The following PRR12 variants were observed in gnomAD, a reference collection of about 807,000 sequenced individuals.
PRR12 encodes the protein proline rich 12.
In PRR12, 12 loss-of-function variants were observed where a neutral mutation model predicts 138.0. The ratio of observed to expected loss-of-function variants is 0.09; its 90% CI spans 0.06 to 0.14. The LOEUF (loss-of-function observed/expected upper bound fraction) is 0.14. Among genes scored for constraint, PRR12 ranks in the 10% least tolerant of loss-of-function variants. The probability of loss-of-function intolerance (pLI) is 1.00; values close to 1 mark genes in which losing one functional copy is unlikely to be tolerated. For missense variants in PRR12, 2,692 were observed against 2,861.3 expected (o/e 0.94, Z 1.35); for synonymous variants, 1,567 against 1,291.7 (o/e 1.21, Z -4.57).
chr19:49,607,262 G>A (rs879339182), intron 6 of PRR12, among the ~76,000 whole-genome samples: 15 of 152,270 alleles, frequency 9.9e-5, no homozygotes, highest in Non-Finnish European at 2.1e-4. Flanking sequence ...GTTGAGGTGG[G>A]AGGATCACTT....
Position 49,594,879 on chromosome 19 carries a change from C to T in PRR12, c.544C>T (p.Leu182Phe), listed in dbSNP as rs764760496. The T allele has an allele frequency of 6.2e-6, 10 of 1,611,140 alleles. 1 individual carries two copies. In the South Asian group the frequency reaches 7.7e-5, roughly 12 times the overall value. ...DPPFSPPANG[L>F]LSPHDVLHLK... is the part of the protein sequence containing the mutation. Reference sequence around the variant, plus strand: ...CCCATTCAGCCCTCCAGCTAACGGGCTCCTGTCCCCTCATGACGTGCTGCA... The same window carrying T: ...CCCATTCAGCCCTCCAGCTAACGGGTTCCTGTCCCCTCATGACGTGCTGCA... Residue 182 changes from leucine (L) to phenylalanine (F), a missense_variant, in exon 4 of 14, where the codon CTC becomes TTC. Leu to Phe is a conservative substitution (Grantham distance 22). Transcript: ENST00000418929. This position sits in a 1 kb window ranked among gnomAD's most constrained non-coding sequence, Gnocchi z 5.6.
Position 49,625,302 on chromosome 19 carries a change from A to G in PRR12, c.5964+102A>G. ...CCCAGCCCCATCCTGCCTCAGACCC[A>G]AGAGTTCAGGTCCTTCTGTCTTGGA... On this transcript the variant is annotated intron_variant, in intron 13 of 13. Transcript: ENST00000418929. This position sits in a 1 kb window ranked among gnomAD's most constrained non-coding sequence, Gnocchi z 5.5. The G allele has an allele frequency of 1.4e-6, 2 of 1,472,516 alleles. No individual in the cohort carries two copies. Among genetic ancestry groups the G allele is most frequent in the Non-Finnish European group, 1.9e-6 (2 of 1,070,266 alleles). 91.2% of individuals were successfully genotyped at this position (1,472,516 alleles called of 1,614,324 possible).
intron 8 of PRR12, 131 bp downstream of exon 8, chr19:49,615,140 G>GGGGACAGAGACCCGGAGAGAAATA (rs2080884896): frequency 3.7e-6 from 5 of 1,342,214 alleles, no homozygotes; most frequent in Non-Finnish European, 5.1e-6. Context: ...AGAGAGAGAG[G>GGGGACAGAGACCCGGAGAGAAATA]GGGACAGAGA....
At position 49,595,214 on chromosome 19, in the gene PRR12, G is replaced by A; in HGVS notation, c.879G>A (p.Gln293=). The change falls in exon 4 of 14, where the codon CAG becomes CAA. Residue 293 remains glutamine (Q), a synonymous_variant. Transcript: ENST00000418929. ...PRQDTVIKHY[Q]RPASAQPPPP... Reference sequence around the variant, plus strand: ...AGGACACGGTCATCAAGCACTACCAGCGGCCAGCCAGTGCCCAGCCCCCAC... The same window carrying A: ...AGGACACGGTCATCAAGCACTACCAACGGCCAGCCAGTGCCCAGCCCCCAC... The A allele has an allele frequency of 6.3e-7, 1 of 1,577,062 alleles. No individual in the cohort carries two copies. The highest frequency in any genetic ancestry group is 8.6e-7 in the Non-Finnish European group (1 of 1,164,354).
In PRR12 at chr19:49,616,323, CA is replaced by C; in HGVS notation, c.5497+105del. The C allele has an allele frequency of 9.8e-7, 1 of 1,019,032 alleles. No homozygotes were observed. Among genetic ancestry groups the C allele is most frequent in the African/African-American group, 1.6e-5 (1 of 61,168 alleles). The allele number at this position is 1,019,032 out of a possible 1,614,324, so 63.1% of individuals were successfully genotyped here. A position where few individuals can be genotyped will look rare whatever the true frequency, so the allele number is the denominator to read the frequency against. On this transcript the variant is annotated intron_variant, in intron 9 of 13. Coordinates refer to ENST00000418929, the MANE Select transcript of PRR12 (RefSeq NM_020719.3). This position sits in a 1 kb window ranked among gnomAD's most constrained non-coding sequence, Gnocchi z 4.2. ...GTAGCCTTGGCAGGACAGTAAGAAC[CA>C]GTATGTTACAGATAATGGCAGTAGC... is the stretch of plus-strand genomic sequence containing the variant.
chr19:49,613,497 G>A (rs375106327), intron 6 of PRR12, among the ~76,000 whole-genome samples: 15 of 152,282 alleles, frequency 9.9e-5, no homozygotes, highest in African/African-American at 3.4e-4. Context: ...TGTGACTCAC[G>A]TCCATCAGTT....
chr19:49,603,414 G>A (rs2080822276), intron 6 of PRR12, among the ~76,000 whole-genome samples: 1 of 152,222 alleles, frequency 6.6e-6, no homozygotes, highest in Non-Finnish European at 1.5e-5. Flanking sequence ...ATCTTGGCGG[G>A]GCATGGCGGT....
rs1400394131 is a variant in PRR12, at chr19:49,597,238, C to T, written c.2903C>T (p.Pro968Leu). The change falls in exon 4 of 14, where the codon CCT becomes CTT. Residue 968 changes from proline to leucine, a missense_variant. Physicochemically the swap from Pro to Leu is moderately conservative, Grantham distance 98. This residue lies in a region of PRR12 where 840 missense variants were observed against 689.8 expected (regional missense o/e 1.22). Transcript: ENST00000418929. This position sits in a 1 kb window ranked among gnomAD's most constrained non-coding sequence, Gnocchi z 6.3. ...GACGACTACGGCAAGGCCGGGCCAC[C>T]TGAGGACGAGGGGGACCCCAAGGCT... ...AADDYGKAGP[P>L]EDEGDPKAGA... 1 of 1,570,524 alleles carries T rather than the reference C, an allele frequency of 6.4e-7. No individual in the cohort carries two copies. Among genetic ancestry groups the T allele is most frequent in the Admixed American group, 1.9e-5 (1 of 53,860 alleles).
intron 6 of PRR12, among the ~76,000 whole-genome samples, chr19:49,610,298 T>C (rs568787742): frequency 2.0e-5 from 3 of 152,124 alleles, no homozygotes; most frequent in Admixed American, 6.6e-5. Flanking sequence ...AGTTTTCTCA[T>C]TAATATCGAG....
Position 49,614,739 on chromosome 19 carries a change from C to G in PRR12, c.4890+90C>G. On this transcript the variant is annotated intron_variant, in intron 7 of 13. Coordinates refer to ENST00000418929, the MANE Select transcript of PRR12 (RefSeq NM_020719.3). This position sits in a 1 kb window ranked among gnomAD's most constrained non-coding sequence, Gnocchi z 5.0. Reference sequence around the variant, plus strand: ...CCCCTTAGTGTGGCTGTGACTCACTCCACAGTGTATCTGGAAGGGGGCCCC... The same window carrying G: ...CCCCTTAGTGTGGCTGTGACTCACTGCACAGTGTATCTGGAAGGGGGCCCC... 2 of 1,481,440 alleles carry G rather than the reference C, an allele frequency of 1.4e-6. No homozygotes were observed. The highest frequency in any genetic ancestry group is 1.8e-6 in the Non-Finnish European group (2 of 1,085,952). 91.8% of individuals were successfully genotyped at this position (1,481,440 alleles called of 1,614,324 possible). A position where few individuals can be genotyped will look rare whatever the true frequency, so the allele number is the denominator to read the frequency against.
chr19:49,623,305 T>TA (rs1475765655), intron 11 of PRR12, among the ~76,000 whole-genome samples: 1 of 152,056 alleles, frequency 6.6e-6, no homozygotes, highest in Non-Finnish European at 1.5e-5. Context: ...GTCTGAGAAG[T>TA]ATGTGTTATT....
chr19:49,615,743 C>T lies in PRR12; in HGVS notation c.5025-4C>T. ...ACTACAGTCCCTTCTCTGTTCCCTTCTAGACGCTCTGGGCAGGCCAAGAAC... is the reference window on the plus strand; with the variant it reads ...ACTACAGTCCCTTCTCTGTTCCCTTTTAGACGCTCTGGGCAGGCCAAGAAC... On this transcript the variant is annotated splice_region_variant and splice_polypyrimidine_tract_variant and intron_variant, in intron 8 of 13. Transcript: ENST00000418929. 1 of 1,611,226 alleles carries T rather than the reference C, an allele frequency of 6.2e-7. No individual in the cohort carries two copies. Among genetic ancestry groups the T allele is most frequent in the South Asian group, 1.1e-5 (1 of 90,578 alleles).
intron 9 of PRR12, among the ~76,000 whole-genome samples, chr19:49,619,396 C>T (rs909955703): frequency 5.3e-5 from 8 of 150,910 alleles, no homozygotes; most frequent in Admixed American, 1.3e-4. Context: ...CCACCACACC[C>T]GGCTAATTTT....
intron 10 of PRR12, 63 bp from the exon 11 acceptor site, chr19:49,621,462 C>T: frequency 7.5e-7 from 1 of 1,326,638 alleles, no homozygotes; most frequent in Non-Finnish European, 1.1e-6. Flanking sequence ...CTCCATGACC[C>T]CACCTTGGCC....
At position 49,611,236 on chromosome 19, in the gene PRR12, A is replaced by G. The variant is rs568477657; in HGVS notation, c.4774-3297A>G. Among the ~76,000 whole-genome samples, 28 of 152,090 alleles carry G rather than the reference A, an allele frequency of 1.8e-4. 1 individual carries two copies. In the South Asian group the frequency reaches 5.8e-3, roughly 32 times the overall value. On this transcript the variant is annotated intron_variant, in intron 6 of 13. Transcript: ENST00000418929. ...TACTTGGTGGGTAGGTGGCTGAGGC[A>G]GGAGGATCACTTGAGCCTAGGAGGC...
rs369052445 is a variant in PRR12 at position 49,615,182 on chromosome 19, A to G, written c.5024+173A>G. The stretch of plus-strand genomic sequence containing the variant: ...GAGAAATAGGGACAGAGACCCAGAG[A>G]AGGGGGGATAGAGACCCAGAGACAG... On this transcript the variant is annotated intron_variant, in intron 8 of 13. Transcript: ENST00000418929. Among the ~76,000 whole-genome samples, 9 of 147,006 alleles carry G rather than the reference A, an allele frequency of 6.1e-5. No homozygotes were observed. In the East Asian group the frequency reaches 1.1e-3, roughly 18 times the overall value.
intron 9 of PRR12, among the ~76,000 whole-genome samples, chr19:49,619,576 T>C (rs1315717407): frequency 8.2e-6 from 1 of 121,674 alleles, no homozygotes; most frequent in African/African-American, 3.3e-5. Flanking sequence ...AGTTTCGCTC[T>C]TGTTGTCCAG....
At chr19:49,615,053 G>T in intron 8 of PRR12, 44 bp downstream of exon 8, 2 of 1,610,646 alleles carry the variant, frequency 1.2e-6, no homozygotes. Flanking sequence ...ATGTAGCGCC[G>T]ACAGGCATGG....
At chr19:49,593,506 G>A (rs941391638) in intron 2 of PRR12, 67 bp downstream of exon 2, 13 of 731,278 alleles carry the variant, frequency 1.8e-5, no homozygotes, top group Admixed American at 5.0e-5. Context: ...CTGATTGGCT[G>A]TTGAAAGTTC....
Sources: allele counts gnomAD v4.1 joint callset (sites outside exome capture counted in the v4.1 genomes callset), GRCh38; gene constraint gnomAD v4.1.1; regional missense constraint gnomAD v4.1.1; non-coding constraint Gnocchi (gnomAD v3.1); transcripts MANE v1.5; gene names NCBI Gene and HGNC (gene_info 2026-07-23, HGNC 2026-07-21).